The following ZNF704 variants were observed in gnomAD, a reference collection of about 807,000 sequenced individuals.
ZNF704 encodes zinc finger protein 704.
Under a neutral mutation model 44.7 loss-of-function variants are expected in ZNF704, and 10 were observed. That is an observed-to-expected ratio of 0.22 (90% CI 0.14 to 0.38). ZNF704 has a LOEUF of 0.38. Among genes scored for constraint, ZNF704 ranks in the 10% least tolerant of loss-of-function variants. The pLI is 1.00. For synonymous variants in ZNF704, 211 were observed against 207.6 expected, an observed-to-expected ratio of 1.02 and a Z score of -0.14; for missense variants, 390 against 545.5, an observed-to-expected ratio of 0.71 and a Z score of 2.84.
At chr8:80,848,584 C>T (rs899634874) in intron 1 of ZNF704, among the ~76,000 whole-genome samples, 4 of 152,058 alleles carry the variant, frequency 2.6e-5, no homozygotes, top group Admixed American at 6.6e-5. Context: ...GTGGTTCATG[C>T]CTGTAATCCC....
intron 1 of ZNF704, among the ~76,000 whole-genome samples, chr8:80,855,501 A>G (rs1320677176): frequency 1.3e-5 from 2 of 152,186 alleles, no homozygotes; most frequent in African/African-American, 4.8e-5. Context: ...CATTATCATA[A>G]GTGAAACAGG....
intron 2 of ZNF704, among the ~76,000 whole-genome samples, chr8:80,729,404 G>A (rs920815087): frequency 6.6e-6 from 1 of 152,082 alleles, no homozygotes; most frequent in Non-Finnish European, 1.5e-5. Context: ...ATAGTGTCGT[G>A]AGGTGCCAAG....
At chr8:80,641,569 G>GAAA (rs60295176) in intron 8 of ZNF704, 92 bp from the exon 9 acceptor site, 39 of 361,190 alleles carry the variant, frequency 1.1e-4, no homozygotes, top group South Asian at 2.0e-4. Flanking sequence ...AGTGAGGGAG[G>GAAA]AAAAAAAAAA....
chr8:80,735,014 A>G (rs1485937912), intron 2 of ZNF704, among the ~76,000 whole-genome samples: 4 of 152,092 alleles, frequency 2.6e-5, no homozygotes, highest in Non-Finnish European at 5.9e-5. Flanking sequence ...CATCCCCCCA[A>G]TTTCAATTTG....
At chr8:80,685,771 A>G (rs1818524775) in intron 4 of ZNF704, among the ~76,000 whole-genome samples, 1 of 152,232 alleles carries the variant, frequency 6.6e-6, no homozygotes, top group Non-Finnish European at 1.5e-5. Context: ...GAGAGTGCCC[A>G]TATCACCTCC....
At chr8:80,658,728 A>G (rs1380733628) in intron 7 of ZNF704, 3 of 152,230 alleles carry the variant, frequency 2.0e-5, no homozygotes, top group Admixed American at 6.5e-5. Flanking sequence ...AGCACAATTC[A>G]TTCAGCCACT....
At chr8:80,701,574 A>T (rs1818810588) in intron 2 of ZNF704, among the ~76,000 whole-genome samples, 1 of 152,022 alleles carries the variant, frequency 6.6e-6, no homozygotes, top group Admixed American at 6.6e-5. Context: ...GCCCTTCTCT[A>T]TTAATAGGCT....
intron 4 of ZNF704, among the ~76,000 whole-genome samples, chr8:80,675,973 T>C (rs1818359278): frequency 6.6e-6 from 1 of 152,108 alleles, no homozygotes; most frequent in African/African-American, 2.4e-5. Context: ...TGTTGGAGAT[T>C]GAGAAGGAGC....
chr8:80,715,808 C>T (rs766838882), intron 2 of ZNF704, among the ~76,000 whole-genome samples: 58 of 152,024 alleles, frequency 3.8e-4, no homozygotes, highest in Non-Finnish European at 7.4e-4. Context: ...GGCTGGGCGC[C>T]GTGGCTCATG....
intron 2 of ZNF704, among the ~76,000 whole-genome samples, chr8:80,809,431 A>T (rs148580100): frequency 6.6e-6 from 1 of 152,360 alleles, no homozygotes; most frequent in East Asian, 1.9e-4. Flanking sequence ...CAGCAACGTT[A>T]CGCAAATCTA....
At chr8:80,780,568 A>T (rs1807506293) in intron 2 of ZNF704, among the ~76,000 whole-genome samples, 1 of 152,142 alleles carries the variant, frequency 6.6e-6, no homozygotes. Context: ...TCTTGAGATG[A>T]GATCATTTGG....
chr8:80,685,711 C>T (rs1452167033), intron 4 of ZNF704, among the ~76,000 whole-genome samples: 1 of 152,202 alleles, frequency 6.6e-6, no homozygotes, highest in Non-Finnish European at 1.5e-5. Context: ...ACAGTAATAT[C>T]CTCTTTTCTG....
chr8:80,725,561 A>C (rs532794762), intron 2 of ZNF704, among the ~76,000 whole-genome samples: 1 of 152,296 alleles, frequency 6.6e-6, no homozygotes, highest in South Asian at 2.1e-4. Flanking sequence ...GAAAAGAGGA[A>C]GTTATGGGAG....
intron 2 of ZNF704, among the ~76,000 whole-genome samples, chr8:80,763,707 C>T (rs1457445631): frequency 6.6e-6 from 1 of 152,212 alleles, no homozygotes; most frequent in Non-Finnish European, 1.5e-5. Context: ...ATTTCTACAG[C>T]AGGCTTGAAT....
chr8:80,827,648 A>G (rs1410335919), intron 1 of ZNF704, among the ~76,000 whole-genome samples: 1 of 152,250 alleles, frequency 6.6e-6, no homozygotes, highest in Non-Finnish European at 1.5e-5. Flanking sequence ...GGCTGGAGGC[A>G]TCACGCTACC....
At chr8:80,681,150 G>A (rs1334498749) in intron 4 of ZNF704, among the ~76,000 whole-genome samples, 2 of 151,994 alleles carry the variant, frequency 1.3e-5, no homozygotes, top group Non-Finnish European at 2.9e-5. Context: ...TCCAGTTTGG[G>A]GTGATAATGA....
At chr8:80,646,566 T>C (rs947669858) in intron 7 of ZNF704, among the ~76,000 whole-genome samples, 3 of 152,172 alleles carry the variant, frequency 2.0e-5, no homozygotes, top group Non-Finnish European at 4.4e-5. Flanking sequence ...ACCACTGGTC[T>C]TCATGCTAAA....
intron 7 of ZNF704, among the ~76,000 whole-genome samples, chr8:80,650,355 A>C (rs1817897446): frequency 6.6e-6 from 1 of 152,230 alleles, no homozygotes; most frequent in African/African-American, 2.4e-5. Context: ...GCTTCAGACG[A>C]TCAAACTACT....
At chr8:80,825,082 C>G (rs1323252876) in intron 1 of ZNF704, among the ~76,000 whole-genome samples, 1 of 152,132 alleles carries the variant, frequency 6.6e-6, no homozygotes, top group Admixed American at 6.5e-5. Context: ...CAATATTAAC[C>G]TTTAATGTAA....
Sources: allele counts gnomAD v4.1 joint callset (sites outside exome capture counted in the v4.1 genomes callset), GRCh38; gene constraint gnomAD v4.1.1; transcripts MANE v1.5; gene names NCBI Gene and HGNC (gene_info 2026-07-23, HGNC 2026-07-21).